The following VWC2 variants were observed in gnomAD, a reference collection of about 807,000 sequenced individuals.
VWC2 encodes the protein brorin.
A neutral mutation model predicts 29.8 loss-of-function variants in VWC2; 14 were observed. That is an observed-to-expected ratio of 0.47 (90% CI 0.31 to 0.74). The LOEUF is 0.74. VWC2 is among the 30% of genes least tolerant of loss of function. The pLI, the probability that VWC2 is intolerant of heterozygous loss-of-function variation, is 0.05. For missense variants in VWC2, 457 were observed against 459.8 expected, an observed-to-expected ratio of 0.99 and a Z score of 0.05; for synonymous variants, 213 against 199.0, an observed-to-expected ratio of 1.07 and a Z score of -0.59.
chr7:49,863,349 C>T (rs975055578), intron 3 of VWC2, among the ~76,000 whole-genome samples: 9 of 152,122 alleles, frequency 5.9e-5, no homozygotes, highest in East Asian at 1.9e-4. Flanking sequence ...TTTTTATCTT[C>T]GCCACTCCAG....
intron 3 of VWC2, among the ~76,000 whole-genome samples, chr7:49,831,616 GA>G (rs1368998596): frequency 6.6e-6 from 1 of 152,166 alleles, no homozygotes; most frequent in Non-Finnish European, 1.5e-5. Context: ...AGACACTAAG[GA>G]AGCAACAATT....
Position 49,914,868 on chromosome 7 carries a change from T to C in VWC2, c.*2683T>C, listed in dbSNP as rs1040938073. ...AAAAGGGGGCCTCAGAATTCAAGTA[T>C]AGAAGTTCTGGAAAAGCCATAATCA... On this transcript the variant is annotated 3_prime_UTR_variant, in exon 4 of 4. Coordinates refer to ENST00000340652, the MANE Select transcript of VWC2 (RefSeq NM_198570.5). 6.6e-6 allele frequency: 1 copy of C among 152,192 alleles called. No individual in the cohort carries two copies. 9.4% of individuals were successfully genotyped at this position (152,192 alleles called of 1,614,324 possible). A position where few individuals can be genotyped will look rare whatever the true frequency, so the allele number is the denominator to read the frequency against.
rs150953956 is a variant in VWC2 at position 49,890,730 on chromosome 7, C to CA, written c.827-21290dup. Among the ~76,000 whole-genome samples, 283 of 145,638 alleles carry CA rather than the reference C, an allele frequency of 1.9e-3. 1 individual carries two copies. Among genetic ancestry groups the CA allele is most frequent in the South Asian group, 9.1e-3 (41 of 4,530 alleles). On this transcript the variant is annotated intron_variant, in intron 3 of 3. Transcript: ENST00000340652. ...ACACACATTAAAACACAAAGCAAAA[C>CA]AAAAAAAAAAAAAACTGATTTGAAA... is the stretch of plus-strand genomic sequence containing the variant.
chr7:49,906,376 C>T lies in VWC2; in HGVS notation c.827-5658C>T, dbSNP rs143646608. On this transcript the variant is annotated intron_variant, in intron 3 of 3. Transcript: ENST00000340652. ...TTGAGACAGAGTCTTGCTCTGTCGC[C>T]CAGGCTGGAGTGCAGTGGCGGCGAC... Among the ~76,000 whole-genome samples the T allele has an allele frequency of 3.3e-3, 509 of 152,148 alleles. 1 individual carries two copies. The highest frequency in any genetic ancestry group is 0.011 in the African/African-American group (470 of 41,518).
At chr7:49,847,043 T>C (rs189158415) in intron 3 of VWC2, among the ~76,000 whole-genome samples, 12 of 152,302 alleles carry the variant, frequency 7.9e-5, no homozygotes, top group African/African-American at 2.9e-4. Context: ...CTGTGTCAAA[T>C]TGGGATGTCT....
In VWC2 at chr7:49,919,053, TAA is replaced by T. The variant is rs34882788; in HGVS notation, c.*6883_*6884del. 2 of 143,320 alleles carry T rather than the reference TAA, an allele frequency of 1.4e-5. No individual in the cohort carries two copies. Among genetic ancestry groups the T allele is most frequent in the Non-Finnish European group, 3.0e-5 (2 of 66,122 alleles). The allele number at this position is 143,320 out of a possible 1,614,324, so 8.9% of individuals were successfully genotyped here. A position where few individuals can be genotyped will look rare whatever the true frequency, so the allele number is the denominator to read the frequency against. ...CTGGGTAACAGAGCAAGACTCTGTTTAAAAAAAAAAAAAAAATCAGTGATGGA... is the reference window on the plus strand; with the variant it reads ...CTGGGTAACAGAGCAAGACTCTGTTTAAAAAAAAAAAAAATCAGTGATGGA... On this transcript the variant is annotated 3_prime_UTR_variant, in exon 4 of 4. Coordinates refer to ENST00000340652, the MANE Select transcript of VWC2 (RefSeq NM_198570.5).
At chr7:49,805,602 A>G (rs533883681) in intron 3 of VWC2, among the ~76,000 whole-genome samples, 2 of 152,382 alleles carry the variant, frequency 1.3e-5, no homozygotes, top group East Asian at 1.9e-4. Context: ...AACAGTTTCT[A>G]TGAAAAACAA....
At chr7:49,781,032 T>G (rs1788165238) in intron 2 of VWC2, among the ~76,000 whole-genome samples, 1 of 152,214 alleles carries the variant, frequency 6.6e-6, no homozygotes, top group South Asian at 2.1e-4. Flanking sequence ...AGTCTAATGG[T>G]ATTTATATTC....
At chr7:49,805,108 T>TA in intron 3 of VWC2, among the ~76,000 whole-genome samples, 1 of 152,242 alleles carries the variant, frequency 6.6e-6, no homozygotes, top group East Asian at 1.9e-4. Flanking sequence ...TATTTTTGAG[T>TA]AAAAAAATGT....
chr7:49,789,270 CG>C (rs369799717), intron 2 of VWC2, among the ~76,000 whole-genome samples: 4 of 117,622 alleles, frequency 3.4e-5, no homozygotes, highest in Non-Finnish European at 5.6e-5. Flanking sequence ...TGTGTGTGAG[CG>C]GGTGTGTGTG....
intron 3 of VWC2, among the ~76,000 whole-genome samples, chr7:49,811,664 T>C (rs749617175): frequency 1.3e-5 from 2 of 152,332 alleles, no homozygotes; most frequent in Non-Finnish European, 2.9e-5. Context: ...GGACAGAAAG[T>C]ACAGATGTTG....
At chr7:49,853,732 T>C (rs1440138597) in intron 3 of VWC2, among the ~76,000 whole-genome samples, 1 of 152,202 alleles carries the variant, frequency 6.6e-6, no homozygotes, top group South Asian at 2.1e-4. Flanking sequence ...TTTTTTATTA[T>C]ACTTTAAGTT....
intron 3 of VWC2, among the ~76,000 whole-genome samples, chr7:49,883,479 C>T (rs946136902): frequency 5.3e-5 from 8 of 152,226 alleles, no homozygotes; most frequent in Admixed American, 2.6e-4. Context: ...TAGATTTAAA[C>T]TAACTCAGGG....
intron 3 of VWC2, among the ~76,000 whole-genome samples, chr7:49,900,273 AAAG>A (rs1353090594): frequency 1.3e-5 from 2 of 151,816 alleles, no homozygotes; most frequent in African/African-American, 4.8e-5. Flanking sequence ...GAAACTAGAA[AAAG>A]AAGAGCAAAT....
chr7:49,852,828 C>T (rs1233580039), intron 3 of VWC2, among the ~76,000 whole-genome samples: 1 of 152,170 alleles, frequency 6.6e-6, no homozygotes, highest in Non-Finnish European at 1.5e-5. Context: ...ACTTGGACTC[C>T]GTCTCCATCT....
At chr7:49,823,587 C>A (rs937176530) in intron 3 of VWC2, among the ~76,000 whole-genome samples, 46 of 152,118 alleles carry the variant, frequency 3.0e-4, no homozygotes, top group African/African-American at 1.1e-3. Flanking sequence ...TATCCTGGGG[C>A]CCCCGGCAGT....
chr7:49,849,894 C>T (rs961276589), intron 3 of VWC2, among the ~76,000 whole-genome samples: 3 of 152,170 alleles, frequency 2.0e-5, no homozygotes, highest in African/African-American at 7.2e-5. Flanking sequence ...AGAGACTGAG[C>T]ACAGTACCAT....
chr7:49,839,505 A>C (rs528932587), intron 3 of VWC2, among the ~76,000 whole-genome samples: 1 of 152,208 alleles, frequency 6.6e-6, no homozygotes, highest in Non-Finnish European at 1.5e-5. Flanking sequence ...CATTCTCATG[A>C]TTAAAGCAGA....
Position 49,920,638 on chromosome 7 carries a change from T to A in VWC2, c.*8453T>A, listed in dbSNP as rs1364263958. Reference sequence around the variant, plus strand: ...ATTTGTCTATGTCAATACGGCTACATAAAGTTCACAACTATTTGCACATAG... The same window carrying A: ...ATTTGTCTATGTCAATACGGCTACAAAAAGTTCACAACTATTTGCACATAG... On this transcript the variant is annotated 3_prime_UTR_variant, in exon 4 of 4. Coordinates refer to ENST00000340652, the MANE Select transcript of VWC2 (RefSeq NM_198570.5). 1 of 152,204 alleles carries A rather than the reference T, an allele frequency of 6.6e-6. No homozygotes were observed. 9.4% of individuals were successfully genotyped at this position (152,204 alleles called of 1,614,324 possible). A position where few individuals can be genotyped will look rare whatever the true frequency, so the allele number is the denominator to read the frequency against.
Sources: allele counts gnomAD v4.1 joint callset (sites outside exome capture counted in the v4.1 genomes callset), GRCh38; gene constraint gnomAD v4.1.1; transcripts MANE v1.5; gene names NCBI Gene and HGNC (gene_info 2026-07-23, HGNC 2026-07-21).